The following LOC128462377 variants were observed in gnomAD, a reference collection of about 807,000 sequenced individuals.
chr16:89,347,402 G>A, the LOC128462377 span, among the ~76,000 whole-genome samples: 1 of 152,280 alleles, frequency 6.6e-6, no homozygotes, highest in South Asian at 2.1e-4. Context: ...GAGGTCAGGA[G>A]ATCAAGACCA....
the LOC128462377 span, among the ~76,000 whole-genome samples, chr16:89,379,442 G>A: frequency 1.3e-5 from 2 of 152,356 alleles, no homozygotes; most frequent in East Asian, 1.9e-4. Context: ...CACCCTGTCA[G>A]GGCATCCAAA....
the LOC128462377 span, among the ~76,000 whole-genome samples, chr16:89,335,128 A>G: frequency 6.6e-6 from 1 of 152,110 alleles, no homozygotes; most frequent in African/African-American, 2.4e-5. Flanking sequence ...ATCAGGACAC[A>G]CCCTGATGCC....
the LOC128462377 span, among the ~76,000 whole-genome samples, chr16:89,354,699 C>G: frequency 6.6e-6 from 1 of 152,156 alleles, no homozygotes; most frequent in Non-Finnish European, 1.5e-5. Context: ...CTGGCTAACA[C>G]GGTGAAACCA....
At chr16:89,409,114 G>A in the LOC128462377 span, among the ~76,000 whole-genome samples, 3 of 152,198 alleles carry the variant, frequency 2.0e-5, no homozygotes, top group Non-Finnish European at 4.4e-5. Context: ...AGTGAGCCCT[G>A]GGGCCAGGTA....
chr16:89,387,444 G>C, the LOC128462377 span, among the ~76,000 whole-genome samples: 3 of 150,232 alleles, frequency 2.0e-5, no homozygotes, highest in African/African-American at 7.4e-5. Context: ...AGGCTGAGGC[G>C]GGCAGATCAC....
chr16:89,353,388 T>G, the LOC128462377 span, among the ~76,000 whole-genome samples: 3 of 152,128 alleles, frequency 2.0e-5, no homozygotes, highest in African/African-American at 7.2e-5. Flanking sequence ...AAACAAAGTT[T>G]CTATTTATTT....
At chr16:89,345,506 A>G in the LOC128462377 span, among the ~76,000 whole-genome samples, 2 of 152,232 alleles carry the variant, frequency 1.3e-5, no homozygotes, top group African/African-American at 4.8e-5. Flanking sequence ...CAGGCCCTCC[A>G]GTGGCCCCAG....
the LOC128462377 span, among the ~76,000 whole-genome samples, chr16:89,341,969 C>G: frequency 6.7e-6 from 1 of 149,916 alleles, no homozygotes; most frequent in African/African-American, 2.5e-5. Flanking sequence ...CGGCCCATGG[C>G]AGGAGTGCTG....
At chr16:89,370,708 C>G in the LOC128462377 span, 2 of 152,378 alleles carry the variant, frequency 1.3e-5, no homozygotes, top group African/African-American at 4.8e-5. Context: ...GACCCGAGAG[C>G]AGAAGGGAGC....
chr16:89,379,705 C>G, the LOC128462377 span, among the ~76,000 whole-genome samples: 1 of 152,192 alleles, frequency 6.6e-6, no homozygotes, highest in Admixed American at 6.5e-5. Context: ...GGAAGAGCTC[C>G]GTGCAGTGCA....
chr16:89,375,899 A>G, the LOC128462377 span, among the ~76,000 whole-genome samples: 2 of 152,180 alleles, frequency 1.3e-5, no homozygotes, highest in African/African-American at 4.8e-5. Context: ...CAGTGCTCCC[A>G]AGAAGCAGAG....
chr16:89,369,549 G>A, the LOC128462377 span, among the ~76,000 whole-genome samples: 1 of 152,224 alleles, frequency 6.6e-6, no homozygotes, highest in African/African-American at 2.4e-5. Flanking sequence ...GGAATAGGCA[G>A]ATAAATCCAC....
the LOC128462377 span, among the ~76,000 whole-genome samples, chr16:89,385,893 C>T: frequency 1.3e-5 from 2 of 152,256 alleles, no homozygotes; most frequent in East Asian, 3.8e-4. Context: ...CCTCCGTAGG[C>T]AACCCGGTGG....
the LOC128462377 span, among the ~76,000 whole-genome samples, chr16:89,346,376 G>A: frequency 2.6e-5 from 4 of 151,990 alleles, no homozygotes; most frequent in African/African-American, 9.7e-5. Context: ...CTACAAGACA[G>A]AAGATCTGAA....
chr16:89,390,278 G>A, the LOC128462377 span, among the ~76,000 whole-genome samples: 8 of 146,322 alleles, frequency 5.5e-5, no homozygotes, highest in East Asian at 2.1e-4. Flanking sequence ...GGGGAGCACC[G>A]AGAGAGAAGA....
chr16:89,411,191 G>A, the LOC128462377 span, among the ~76,000 whole-genome samples: 6 of 152,250 alleles, frequency 3.9e-5, no homozygotes, highest in African/African-American at 1.2e-4. Context: ...CCTCCATGAC[G>A]GTGCCCTCCA....
the LOC128462377 span, among the ~76,000 whole-genome samples, chr16:89,393,490 CTTTT>C: frequency 1.7e-5 from 2 of 117,074 alleles, no homozygotes. Context: ...TATCCAGCTG[CTTTT>C]TTTTTTTTTT....
At chr16:89,359,536 G>A in the LOC128462377 span, among the ~76,000 whole-genome samples, 1 of 152,168 alleles carries the variant, frequency 6.6e-6, no homozygotes, top group Non-Finnish European at 1.5e-5. Flanking sequence ...CCTTGTTCCG[G>A]CCCTGCAGTC....
At chr16:89,403,412 A>G in the LOC128462377 span, among the ~76,000 whole-genome samples, 1 of 152,132 alleles carries the variant, frequency 6.6e-6, no homozygotes, top group Non-Finnish European at 1.5e-5. Context: ...CACGCAGGTG[A>G]GGGCAGAGCG....
Sources: allele counts gnomAD v4.1 joint callset (sites outside exome capture counted in the v4.1 genomes callset), GRCh38; gene constraint gnomAD v4.1.1; transcripts MANE v1.5.